Variants in CHORDC1 observed in about 807,000 individuals in gnomAD.
The protein encoded by CHORDC1 is cysteine and histidine-rich domain-containing protein 1.
Under a neutral mutation model 48.3 loss-of-function variants are expected in CHORDC1, and 25 were observed. The ratio of observed to expected loss-of-function variants is 0.52; its 90% CI spans 0.38 to 0.72. CHORDC1 has a LOEUF of 0.72. Among genes scored for constraint, CHORDC1 ranks in the 30% least tolerant of loss-of-function variants. The pLI, the probability that CHORDC1 is intolerant of heterozygous loss-of-function variation, is 0.00. For synonymous variants in CHORDC1, 128 were observed against 126.4 expected (o/e 1.01, Z -0.09); for missense variants, 317 against 388.7 (o/e 0.82, Z 1.55).
At chr11:90,204,109 G>A (rs146352968) in intron 8 of CHORDC1, among the ~76,000 whole-genome samples, 129 of 151,888 alleles carry the variant, frequency 8.5e-4, no homozygotes, top group African/African-American at 2.8e-3. Flanking sequence ...TACTATTTTC[G>A]TTTTGATAAA....
At chr11:90,206,118 C>A (rs1857674735) in intron 7 of CHORDC1, 84 bp downstream of exon 7, 1 of 849,558 alleles carries the variant, frequency 1.2e-6, no homozygotes, top group Non-Finnish European at 2.0e-6. Flanking sequence ...AATAACACTG[C>A]ATGGCAAACA....
chr11:90,217,686 G>A (rs1372837743), intron 2 of CHORDC1: 2 of 152,178 alleles, frequency 1.3e-5, no homozygotes, highest in Non-Finnish European at 2.9e-5. Context: ...GATCATCTGA[G>A]GTCAGGAGTT....
In CHORDC1 at chr11:90,203,641, C is replaced by T. The variant is rs564123936; in HGVS notation, c.670-214G>A. Among the ~76,000 whole-genome samples the T allele has an allele frequency of 3.9e-4, 60 of 152,222 alleles. 2 individuals carry two copies. In the South Asian group the frequency reaches 9.7e-3, roughly 25 times the overall value. Reference sequence around the variant, plus strand: ...TCATAAATTTTATGATTTCAGAACACACTTACTCCTTCCCTTTGTTTTTTT... The same window carrying T: ...TCATAAATTTTATGATTTCAGAACATACTTACTCCTTCCCTTTGTTTTTTT... On this transcript the variant is annotated intron_variant, in intron 8 of 10. Coordinates refer to ENST00000320585, the MANE Select transcript of CHORDC1 (RefSeq NM_012124.3).
intron 1 of CHORDC1, chr11:90,222,638 A>G (rs1292984193): frequency 1.5e-6 from 1 of 682,312 alleles, no homozygotes; most frequent in Non-Finnish European, 2.7e-6. Flanking sequence ...AAACACGTGG[A>G]TCCATGGGAG....
chr11:90,204,064 A>C (rs1423958969), intron 8 of CHORDC1, among the ~76,000 whole-genome samples: 2 of 152,194 alleles, frequency 1.3e-5, no homozygotes, highest in Non-Finnish European at 2.9e-5. Context: ...TTAGTTACAT[A>C]ATTCAGGAAA....
At chr11:90,211,185 A>T in intron 5 of CHORDC1, 30 bp downstream of exon 5, 1 of 1,412,284 alleles carries the variant, frequency 7.1e-7, no homozygotes, top group Non-Finnish European at 1.0e-6. Context: ...ACCAGAAAAT[A>T]ATTAACAATA....
chr11:90,210,636 G>A, intron 5 of CHORDC1, 42 bp from the exon 6 acceptor site: 1 of 1,255,028 alleles, frequency 8.0e-7, no homozygotes, highest in East Asian at 2.4e-5. Flanking sequence ...AGTTAAAATA[G>A]AACTTCGCTG....
chr11:90,205,378 A>G (rs1857652035), intron 8 of CHORDC1, 82 bp downstream of exon 8: 1 of 933,036 alleles, frequency 1.1e-6, no homozygotes, highest in Admixed American at 2.3e-5. Context: ...TTTAAAATCT[A>G]AAGACAGAAT....
intron 10 of CHORDC1, 52 bp downstream of exon 10, chr11:90,202,761 C>A: frequency 6.5e-7 from 1 of 1,527,286 alleles, no homozygotes; most frequent in Non-Finnish European, 8.9e-7. Context: ...TTTTATTCTA[C>A]AAATGATCTA....
At chr11:90,206,680 A>G (rs1719841991) in intron 6 of CHORDC1, 4 of 689,134 alleles carry the variant, frequency 5.8e-6, no homozygotes, top group South Asian at 4.7e-5. Flanking sequence ...AAATCTAATA[A>G]GCAATTCTGG....
chr11:90,222,794 G>A (rs1335573741), intron 1 of CHORDC1, 97 bp downstream of exon 1: 4 of 1,142,030 alleles, frequency 3.5e-6, no homozygotes, highest in Non-Finnish European at 3.9e-6. Flanking sequence ...GCCGCGCGAG[G>A]ACGGCTGCAG....
rs1857831847 is a variant in CHORDC1, at chr11:90,210,577, T to G, written c.451A>C (p.Ile151Leu). Residue 151 changes from isoleucine to leucine, a missense_variant, in exon 6 of 11, where the codon ATT becomes CTT. Ile to Leu is a conservative substitution (Grantham distance 5). Transcript: ENST00000320585. ...TTCTTACATGAGGTCCCAATCTTAA[T>G]TTCATCATTGTCTTCTTCTGTAACA... ...ENKKEEDNDE[I>L]KIGTSCKNGG... is the part of the protein sequence containing the mutation. 1 of 1,589,508 alleles carries G rather than the reference T, an allele frequency of 6.3e-7. No individual in the cohort carries two copies. Among genetic ancestry groups the G allele is most frequent in the Non-Finnish European group, 8.6e-7 (1 of 1,160,228 alleles).
chr11:90,203,165 A>C, intron 9 of CHORDC1, 143 bp downstream of exon 9: 1 of 826,316 alleles, frequency 1.2e-6, no homozygotes, highest in Non-Finnish European at 1.8e-6. Context: ...GTTTCATAGA[A>C]GTAATTTAAT....
chr11:90,206,724 TA>T (rs1857701196), intron 6 of CHORDC1: 3 of 1,203,548 alleles, frequency 2.5e-6, no homozygotes, highest in Non-Finnish European at 3.3e-6. Context: ...CTTATCCCTA[TA>T]AAGGGTAAAA....
At chr11:90,210,678 G>C in intron 5 of CHORDC1, 84 bp from the exon 6 acceptor site, 37 of 772,572 alleles carry the variant, frequency 4.8e-5, no homozygotes, top group East Asian at 1.5e-4. Flanking sequence ...GGTTTTTCCA[G>C]AAAACAATAC....
At chr11:90,217,488 T>C (rs1033898596) in intron 2 of CHORDC1, among the ~76,000 whole-genome samples, 2 of 152,212 alleles carry the variant, frequency 1.3e-5, no homozygotes, top group African/African-American at 4.8e-5. Context: ...TGTCCCGAGA[T>C]TGGCACTAAA....
chr11:90,213,139 A>C (rs1285186614), intron 4 of CHORDC1: 8 of 333,616 alleles, frequency 2.4e-5, no homozygotes, highest in Non-Finnish European at 4.3e-5. Flanking sequence ...AATCATCCTG[A>C]GTAGTTTCCT....
At chr11:90,217,284 G>A (rs1858036304) in intron 2 of CHORDC1, among the ~76,000 whole-genome samples, 2 of 152,152 alleles carry the variant, frequency 1.3e-5, no homozygotes, top group South Asian at 2.1e-4. Flanking sequence ...TTATGTTCCT[G>A]AGAACCAAAG....
chr11:90,214,010 A>T lies in CHORDC1; in HGVS notation c.329+8T>A, dbSNP rs1165930882. On this transcript the variant is annotated splice_region_variant and intron_variant, in intron 4 of 10. Coordinates refer to ENST00000320585, the MANE Select transcript of CHORDC1 (RefSeq NM_012124.3). ...TGTGACAAAAATATGTAACTGTATA[A>T]AGTATACCTTGGTCTTTTTATTGCT... The T allele has an allele frequency of 2.5e-6, 4 of 1,605,920 alleles. No homozygotes were observed. The South Asian group carries it at 4.5e-5, about 18-fold the overall frequency.
Sources: allele counts gnomAD v4.1 joint callset (sites outside exome capture counted in the v4.1 genomes callset), GRCh38; gene constraint gnomAD v4.1.1; transcripts MANE v1.5; gene names NCBI Gene and HGNC (gene_info 2026-07-23, HGNC 2026-07-21).